The following DOCK5 variants were observed in gnomAD, a reference collection of about 807,000 sequenced individuals.
The protein encoded by DOCK5 is dedicator of cytokinesis protein 5.
DOCK5 carries 142 observed loss-of-function variants against 251.8 expected under a neutral mutation model. The ratio of observed to expected loss-of-function variants is 0.56; its 90% CI spans 0.49 to 0.65. DOCK5 has a LOEUF of 0.65. Among genes scored for constraint, DOCK5 ranks in the 30% least tolerant of loss-of-function variants. The probability of loss-of-function intolerance (pLI) is 0.00; values close to 1 mark genes in which losing one functional copy is unlikely to be tolerated. For missense variants in DOCK5, 2,111 were observed against 2,312.3 expected, an observed-to-expected ratio of 0.91 and a Z score of 1.79; for synonymous variants, 842 against 835.5, an observed-to-expected ratio of 1.01 and a Z score of -0.13.
chr8:25,258,071 A>G (rs1281129041), intron 2 of DOCK5, among the ~76,000 whole-genome samples: 1 of 152,202 alleles, frequency 6.6e-6, no homozygotes, highest in Admixed American at 6.5e-5. Flanking sequence ...GATGTTGTCC[A>G]GGCTACAGGA....
chr8:25,273,391 A>G (rs1803963127), intron 3 of DOCK5, among the ~76,000 whole-genome samples: 1 of 152,148 alleles, frequency 6.6e-6, no homozygotes, highest in Non-Finnish European at 1.5e-5. Flanking sequence ...TGAGGTTAAG[A>G]GTTGAAGACC....
At chr8:25,347,955 G>C (rs1026640048) in intron 26 of DOCK5, among the ~76,000 whole-genome samples, 1 of 152,156 alleles carries the variant, frequency 6.6e-6, no homozygotes. Flanking sequence ...GGAGATTTAA[G>C]TTAGCTTTTT....
intron 1 of DOCK5, among the ~76,000 whole-genome samples, chr8:25,222,684 T>A (rs146973412): frequency 6.6e-6 from 1 of 152,162 alleles, no homozygotes; most frequent in African/African-American, 2.4e-5. Context: ...TTCCATCTGT[T>A]CCTCGCCTCC....
intron 1 of DOCK5, among the ~76,000 whole-genome samples, chr8:25,236,470 G>A (rs1449768266): frequency 6.6e-6 from 1 of 152,152 alleles, no homozygotes; most frequent in Non-Finnish European, 1.5e-5. Context: ...TATCATTGCA[G>A]GAAAGCCAAG....
At chr8:25,199,738 A>G (rs930343061) in intron 1 of DOCK5, among the ~76,000 whole-genome samples, 1 of 152,144 alleles carries the variant, frequency 6.6e-6, no homozygotes, top group African/African-American at 2.4e-5. Context: ...GGAGGAGGAG[A>G]TGCAGCCTCT....
intron 1 of DOCK5, among the ~76,000 whole-genome samples, chr8:25,235,491 T>C (rs1802772434): frequency 6.6e-6 from 1 of 152,144 alleles, no homozygotes; most frequent in Non-Finnish European, 1.5e-5. Flanking sequence ...ACTCCTGAGG[T>C]CAAGCAATCC....
At chr8:25,293,967 G>A (rs746643251) in intron 6 of DOCK5, among the ~76,000 whole-genome samples, 12 of 152,116 alleles carry the variant, frequency 7.9e-5, no homozygotes, top group Non-Finnish European at 1.6e-4. Flanking sequence ...TCATGCCACT[G>A]CACTCCAGCC....
intron 1 of DOCK5, among the ~76,000 whole-genome samples, chr8:25,234,193 G>A (rs1369249837): frequency 3.3e-5 from 5 of 152,228 alleles, no homozygotes; most frequent in Non-Finnish European, 7.3e-5. Flanking sequence ...ATATAGAGAG[G>A]ATAATCGGTG....
At chr8:25,359,735 C>A (rs1385172541) in intron 28 of DOCK5, among the ~76,000 whole-genome samples, 1 of 152,244 alleles carries the variant, frequency 6.6e-6, no homozygotes, top group Non-Finnish European at 1.5e-5. Flanking sequence ...TTCCTGCCCC[C>A]ATCCGTGGAA....
chr8:25,316,157 A>G (rs1008935614), intron 13 of DOCK5, among the ~76,000 whole-genome samples: 7 of 152,218 alleles, frequency 4.6e-5, no homozygotes, highest in Non-Finnish European at 1.0e-4. Flanking sequence ...TTTCATTGAT[A>G]AAATCAAGTA....
At chr8:25,394,875 C>T (rs770544863) in intron 44 of DOCK5, among the ~76,000 whole-genome samples, 10 of 151,980 alleles carry the variant, frequency 6.6e-5, no homozygotes, top group Non-Finnish European at 7.4e-5. Context: ...CTAGCAGTCC[C>T]CAATCTTTTT....
intron 5 of DOCK5, among the ~76,000 whole-genome samples, chr8:25,290,455 T>A (rs1804456711): frequency 6.6e-6 from 1 of 152,228 alleles, no homozygotes; most frequent in Non-Finnish European, 1.5e-5. Context: ...TGTCAAGTAT[T>A]TGATTCTTAA....
At chr8:25,376,948 C>T (rs1292380413) in intron 37 of DOCK5, 4 of 160,502 alleles carry the variant, frequency 2.5e-5, no homozygotes, top group African/African-American at 9.6e-5. Flanking sequence ...GTGAGGAATA[C>T]AACCATAATG....
intron 14 of DOCK5, among the ~76,000 whole-genome samples, chr8:25,318,048 C>T (rs772253891): frequency 6.6e-6 from 1 of 152,122 alleles, no homozygotes; most frequent in Non-Finnish European, 1.5e-5. Flanking sequence ...GTTCCTCCAA[C>T]TCTGGCAGCT....
intron 13 of DOCK5, 68 bp downstream of exon 13, chr8:25,310,600 G>T (rs745620183): frequency 1.3e-4 from 199 of 1,494,080 alleles, no homozygotes; most frequent in Non-Finnish European, 1.7e-4. Flanking sequence ...TTGGACGGTG[G>T]AGGCAACTTG....
chr8:25,367,229 T>G (rs2271110), intron 31 of DOCK5, among the ~76,000 whole-genome samples: 76,800 of 151,966 alleles, frequency 0.51, 19,431 homozygotes, highest in Middle Eastern at 0.54. Flanking sequence ...GGCTGTCAGC[T>G]TGCCCATCCC....
At chr8:25,215,252 A>T (rs1205164727) in intron 1 of DOCK5, among the ~76,000 whole-genome samples, 1 of 152,098 alleles carries the variant, frequency 6.6e-6, no homozygotes, top group African/African-American at 2.4e-5. Context: ...TAAAACATGG[A>T]TAGGCTAGGG....
At chr8:25,233,956 T>G (rs561155903) in intron 1 of DOCK5, among the ~76,000 whole-genome samples, 2 of 152,310 alleles carry the variant, frequency 1.3e-5, no homozygotes, top group African/African-American at 4.8e-5. Context: ...GGTGTGATTC[T>G]GGAGTATATA....
rs116209329 is a variant in DOCK5, at chr8:25,195,937, T to C, written c.43+10986T>C. Among the ~76,000 whole-genome samples, 578 of 152,308 alleles carry C rather than the reference T, an allele frequency of 3.8e-3. 3 individuals are homozygous for C. Among genetic ancestry groups the C allele is most frequent in the African/African-American group, 0.013 (558 of 41,554 alleles). On this transcript the variant is annotated intron_variant, in intron 1 of 51. Coordinates refer to ENST00000276440, the MANE Select transcript of DOCK5 (RefSeq NM_024940.8). ...TATGAATAAATGAATACTGACCCCA[T>C]CATCTCTTTAAATTCATCTTGCTTA...
Sources: gnomAD v4.1 joint callset for allele counts (sites outside exome capture counted in the v4.1 genomes callset) on GRCh38, gnomAD v4.1.1 for gene constraint, MANE v1.5 for transcripts, NCBI Gene and HGNC (gene_info 2026-07-23, HGNC 2026-07-21) for gene names.